Variants in RBM20 observed in about 807,000 individuals in gnomAD.
RBM20 encodes the protein RNA-binding protein 20.
A neutral mutation model predicts 110.1 loss-of-function variants in RBM20; 51 were observed. The observed-to-expected ratio is 0.46, with a 90% CI of 0.37 to 0.59. RBM20 has a LOEUF of 0.59. RBM20 is among the 20% of genes least tolerant of loss of function. The pLI is 0.00. For missense variants in RBM20, 1,512 were observed against 1,574.9 expected (o/e 0.96, Z 0.68); for synonymous variants, 589 against 618.2 (o/e 0.95, Z 0.70).
At chr10:110,704,345 G>A (rs1409593615) in intron 1 of RBM20, among the ~76,000 whole-genome samples, 1 of 152,130 alleles carries the variant, frequency 6.6e-6, no homozygotes, top group Admixed American at 6.5e-5. Flanking sequence ...AAAGAAAGCT[G>A]CTATGAACAT....
At chr10:110,732,817 G>C (rs894731522) in intron 1 of RBM20, among the ~76,000 whole-genome samples, 1 of 152,128 alleles carries the variant, frequency 6.6e-6, no homozygotes, top group Non-Finnish European at 1.5e-5. Context: ...CATTGACTGT[G>C]TTGACCTCTG....
intron 1 of RBM20, among the ~76,000 whole-genome samples, chr10:110,674,076 C>G (rs12220209): frequency 6.6e-6 from 1 of 151,906 alleles, no homozygotes; most frequent in African/African-American, 2.4e-5. Flanking sequence ...AACTTGCTGC[C>G]TGAAGAGAGA....
rs374446957 is a variant in RBM20 at position 110,697,901 on chromosome 10, C to CT, written c.191+53267dup. On this transcript the variant is annotated intron_variant, in intron 1 of 13. Transcript: ENST00000369519. ...CATTGAAGAAACAGGGGCCTTGTTT[C>CT]TTTTTTTTTTTCTTTTTTTTTTTTG... Among the ~76,000 whole-genome samples, 558 of 127,550 alleles carry CT rather than the reference C, an allele frequency of 4.4e-3. 3 individuals carry two copies. The highest frequency in any genetic ancestry group is 0.013 in the African/African-American group (478 of 36,498). The allele number at this position is 127,550 out of a possible 152,430, so 83.7% of individuals were successfully genotyped here. A position where few individuals can be genotyped will look rare whatever the true frequency, so the allele number is the denominator to read the frequency against.
chr10:110,800,416 T>C (rs912042479), intron 7 of RBM20, among the ~76,000 whole-genome samples: 4 of 152,262 alleles, frequency 2.6e-5, no homozygotes, highest in African/African-American at 9.6e-5. Context: ...ATTCAAATAG[T>C]TCCAAACCAG....
At chr10:110,715,067 GT>G (rs1862995356) in intron 1 of RBM20, among the ~76,000 whole-genome samples, 1 of 152,160 alleles carries the variant, frequency 6.6e-6, no homozygotes, top group South Asian at 2.1e-4. Flanking sequence ...GGTCAACATG[GT>G]GAAACCCCAA....
intron 1 of RBM20, among the ~76,000 whole-genome samples, chr10:110,702,812 A>T (rs574051699): frequency 5.3e-5 from 8 of 152,280 alleles, no homozygotes; most frequent in African/African-American, 1.9e-4. Context: ...ACCACTCTGC[A>T]CCTCAGTTTC....
intron 1 of RBM20, among the ~76,000 whole-genome samples, chr10:110,758,786 G>C (rs189273214): frequency 1.5e-4 from 23 of 152,234 alleles, no homozygotes; most frequent in African/African-American, 5.5e-4. Context: ...GTGGCAAATA[G>C]CTATCCTATT....
At chr10:110,810,748 C>T (rs1844755172) in intron 8 of RBM20, among the ~76,000 whole-genome samples, 1 of 151,822 alleles carries the variant, frequency 6.6e-6, no homozygotes, top group Non-Finnish European at 1.5e-5. Flanking sequence ...AATATTTGGC[C>T]CTTTGGGGCA....
chr10:110,772,444 A>G (rs1010154419), intron 1 of RBM20, among the ~76,000 whole-genome samples: 3 of 152,248 alleles, frequency 2.0e-5, no homozygotes, highest in Admixed American at 1.3e-4. Context: ...AACAGATGGC[A>G]TATACAATGG....
intron 1 of RBM20, among the ~76,000 whole-genome samples, chr10:110,705,826 A>C (rs1862829303): frequency 6.6e-6 from 1 of 152,214 alleles, no homozygotes; most frequent in South Asian, 2.1e-4. Flanking sequence ...CATGCTTCTA[A>C]TCCCAGCACT....
At chr10:110,722,371 C>A (rs1235041825) in intron 1 of RBM20, among the ~76,000 whole-genome samples, 1 of 151,998 alleles carries the variant, frequency 6.6e-6, no homozygotes, top group Admixed American at 6.5e-5. Flanking sequence ...TCAGCATCCC[C>A]CAGCAGAGTG....
At chr10:110,705,939 G>T (rs184290146) in intron 1 of RBM20, among the ~76,000 whole-genome samples, 1 of 151,986 alleles carries the variant, frequency 6.6e-6, no homozygotes, top group South Asian at 2.1e-4. Context: ...AAAATTGGCC[G>T]GGTGTGATGG....
chr10:110,792,384 A>G (rs1474116942), intron 5 of RBM20, among the ~76,000 whole-genome samples: 1 of 152,162 alleles, frequency 6.6e-6, no homozygotes, highest in Non-Finnish European at 1.5e-5. Flanking sequence ...TGGGTGGAGG[A>G]AGGAGATAAA....
chr10:110,775,256 C>A (rs534739168), intron 1 of RBM20, among the ~76,000 whole-genome samples: 1 of 152,346 alleles, frequency 6.6e-6, no homozygotes, highest in South Asian at 2.1e-4. Flanking sequence ...TATATTTTAG[C>A]ACAAAAGAAG....
chr10:110,753,101 G>GCTAAT (rs1305973878), intron 1 of RBM20, among the ~76,000 whole-genome samples: 1 of 151,502 alleles, frequency 6.6e-6, no homozygotes, highest in Non-Finnish European at 1.5e-5. Flanking sequence ...ACCATACCCG[G>GCTAAT]CTAATTTTTG....
intron 1 of RBM20, among the ~76,000 whole-genome samples, chr10:110,692,033 T>TC (rs1208611449): frequency 1.3e-5 from 2 of 152,186 alleles, no homozygotes; most frequent in Non-Finnish European, 2.9e-5. Context: ...GACTGTGCTT[T>TC]CCCCATTGAA....
intron 1 of RBM20, among the ~76,000 whole-genome samples, chr10:110,759,856 C>T (rs752376370): frequency 1.6e-4 from 24 of 152,182 alleles, no homozygotes; most frequent in Non-Finnish European, 5.9e-5. Flanking sequence ...TGACCTAGTA[C>T]CACCCTGAAA....
Position 110,739,142 on chromosome 10 carries a change from A to C in RBM20, c.192-41659A>C, listed in dbSNP as rs894114981. 6.6e-6 allele frequency among the ~76,000 whole-genome samples: 1 copy of C among 152,148 alleles called. No homozygotes were observed. The highest frequency in any genetic ancestry group is 2.4e-5 in the African/African-American group (1 of 41,420). On this transcript the variant is annotated intron_variant, in intron 1 of 13. Coordinates refer to ENST00000369519, the MANE Select transcript of RBM20 (RefSeq NM_001134363.3). This position sits in a 1 kb window ranked among gnomAD's most constrained non-coding sequence, Gnocchi z 4.1. ...CAGATGGATGTCTTTCTGTCTGTTGACAGGTCCTCCTGAGGACCAAGGCCT... is the reference window on the plus strand; with the variant it reads ...CAGATGGATGTCTTTCTGTCTGTTGCCAGGTCCTCCTGAGGACCAAGGCCT...
At chr10:110,820,913 G>A (rs1844900525) in intron 10 of RBM20, among the ~76,000 whole-genome samples, 1 of 152,182 alleles carries the variant, frequency 6.6e-6, no homozygotes, top group African/African-American at 2.4e-5. Flanking sequence ...CTTTGCTGCA[G>A]TTACATTTAG....
Sources: allele counts gnomAD v4.1 joint callset (sites outside exome capture counted in the v4.1 genomes callset), GRCh38; gene constraint gnomAD v4.1.1; non-coding constraint Gnocchi (gnomAD v3.1); transcripts MANE v1.5; gene names NCBI Gene and HGNC (gene_info 2026-07-23, HGNC 2026-07-21).